The following ESR1 variants were observed in gnomAD, a reference collection of about 807,000 sequenced individuals.
ESR1 encodes the protein estrogen receptor 1.
In ESR1, 12 loss-of-function variants were observed where a neutral mutation model predicts 52.7. That is an observed-to-expected ratio of 0.23 (90% CI 0.15 to 0.37). ESR1 has a LOEUF of 0.37. Among genes scored for constraint, ESR1 ranks in the 10% least tolerant of loss-of-function variants. The pLI is 1.00. For missense variants in ESR1, 584 were observed against 779.7 expected, an observed-to-expected ratio of 0.75 and a Z score of 2.99; for synonymous variants, 305 against 316.8, an observed-to-expected ratio of 0.96 and a Z score of 0.39.
chr6:152,112,407 C>T (rs962212717), intron 6 of ESR1, among the ~76,000 whole-genome samples: 8 of 152,272 alleles, frequency 5.3e-5, no homozygotes, highest in African/African-American at 1.9e-4. Flanking sequence ...TCCTCCTTTC[C>T]CCAGCAACTC....
rs1357451866 is a variant in ESR1 at position 152,061,211 on chromosome 6, CATA to C, written c.1369+90_1369+92del. On this transcript the variant is annotated intron_variant, in intron 6 of 7. Coordinates refer to ENST00000206249, the MANE Select transcript of ESR1 (RefSeq NM_000125.4). This position sits in a 1 kb window ranked among gnomAD's most constrained non-coding sequence, Gnocchi z 4.3. ...AGATACGATCTACCCACTCCAAAGGCATAATGTCATAAATAGAAAGAAACTACT... is the reference window on the plus strand; with the variant it reads ...AGATACGATCTACCCACTCCAAAGGCATGTCATAAATAGAAAGAAACTACT... 4 of 1,256,300 alleles carry C rather than the reference CATA, an allele frequency of 3.2e-6. No individual in the cohort carries two copies. Among genetic ancestry groups the C allele is most frequent in the Non-Finnish European group, 4.6e-6 (4 of 860,786 alleles). 77.8% of individuals were successfully genotyped at this position (1,256,300 alleles called of 1,614,324 possible).
intron 2 of ESR1, among the ~76,000 whole-genome samples, chr6:151,844,353 G>T (rs891499625): frequency 3.3e-5 from 5 of 152,044 alleles, no homozygotes; most frequent in Non-Finnish European, 7.4e-5. Context: ...TTTTTACCAA[G>T]CATTTAATTT....
At chr6:151,669,147 G>GGAGAGAGA (rs541895194) in intron 1 of ESR1, among the ~76,000 whole-genome samples, 906 of 69,274 alleles carry the variant, frequency 0.013, 113 homozygotes, top group African/African-American at 0.028. Context: ...TTGGGAGCTG[G>GGAGAGAGA]GAGAGAGAGA....
intron 4 of ESR1, among the ~76,000 whole-genome samples, chr6:151,970,976 C>T (rs1031082536): frequency 6.6e-6 from 1 of 152,264 alleles, no homozygotes; most frequent in African/African-American, 2.4e-5. Context: ...ATATTTCACC[C>T]ATACCAGAGT....
At chr6:152,079,078 A>G (rs2048980695) in intron 6 of ESR1, among the ~76,000 whole-genome samples, 1 of 152,368 alleles carries the variant, frequency 6.6e-6, no homozygotes, top group Admixed American at 6.5e-5. Flanking sequence ...AAGGCAGCAG[A>G]CAGCTTCCGC....
chr6:151,677,919 C>T (rs1472031794), intron 1 of ESR1, among the ~76,000 whole-genome samples: 1 of 152,122 alleles, frequency 6.6e-6, no homozygotes, highest in Non-Finnish European at 1.5e-5. Context: ...TGAAAACTCA[C>T]ACATTCTCTT....
Position 152,122,425 on chromosome 6 carries a change from A to T in ESR1, c.851-2841A>T, listed in dbSNP as rs763552238. On this transcript the variant is annotated intron_variant, in intron 6 of 6. Coordinates refer to the ESR1 transcript ENST00000427531. ...TGCTACCAGCACTTCTGCAGATGGC[A>T]TCTGCTTAGTTCAGAGTGGAGGAGG... 17 of 1,613,982 alleles carry T rather than the reference A, an allele frequency of 1.1e-5. No individual in the cohort carries two copies. The South Asian group carries it at 1.8e-4, about 17-fold the overall frequency.
Position 152,094,636 on chromosome 6 carries a change from C to T in ESR1, c.1553+68C>T, listed in dbSNP as rs1386910953. ...ACATGCCCCCAAACCTATGTGACAG[C>T]TGGCCGGGAAGGACTGGTGCCTGCA... On this transcript the variant is annotated intron_variant, in intron 7 of 7. Transcript: ENST00000206249. The surrounding 1 kb of genome is among the most constrained non-coding windows in gnomAD (Gnocchi z 4.6). The T allele has an allele frequency of 3.4e-6, 5 of 1,486,124 alleles. No individual in the cohort carries two copies. The highest frequency in any genetic ancestry group is 4.6e-6 in the Non-Finnish European group (5 of 1,082,098). 92.1% of individuals were successfully genotyped at this position (1,486,124 alleles called of 1,614,324 possible). A position where few individuals can be genotyped will look rare whatever the true frequency, so the allele number is the denominator to read the frequency against.
intron 4 of ESR1, among the ~76,000 whole-genome samples, chr6:151,998,537 T>A (rs1473478207): frequency 1.3e-5 from 2 of 152,052 alleles, no homozygotes; most frequent in Non-Finnish European, 2.9e-5. Context: ...CAGGAAGTCA[T>A]GCACTGGAGG....
chr6:152,105,656 C>T (rs1328003284), downstream of ESR1, among the ~76,000 whole-genome samples: 1 of 151,966 alleles, frequency 6.6e-6, no homozygotes, highest in Non-Finnish European at 1.5e-5. Context: ...GAACTCCTGA[C>T]CTCAAGTGAT....
intron 1 of ESR1, among the ~76,000 whole-genome samples, chr6:151,680,482 G>A (rs1778417298): frequency 6.6e-6 from 1 of 152,122 alleles, no homozygotes; most frequent in South Asian, 2.1e-4. Context: ...GGGGGGTCGT[G>A]AGCCACCATG....
intron 4 of ESR1, among the ~76,000 whole-genome samples, chr6:151,996,852 C>T (rs566513989): frequency 1.7e-4 from 26 of 152,148 alleles, no homozygotes; most frequent in Middle Eastern, 3.4e-3. Flanking sequence ...ATAAGTGCCA[C>T]GCTTGGAGTA....
intron 2 of ESR1, among the ~76,000 whole-genome samples, chr6:151,855,669 T>A (rs1412295108): frequency 6.6e-6 from 1 of 152,172 alleles, no homozygotes; most frequent in Non-Finnish European, 1.5e-5. Context: ...GGTGAAAGGT[T>A]GTGATAATGC....
At chr6:151,967,264 A>C (rs1303433262) in intron 4 of ESR1, among the ~76,000 whole-genome samples, 1 of 152,128 alleles carries the variant, frequency 6.6e-6, no homozygotes, top group East Asian at 1.9e-4. Context: ...TATACGTGCC[A>C]TGGTGGTTTG....
chr6:151,945,734 A>T (rs2035625220), intron 4 of ESR1, among the ~76,000 whole-genome samples: 1 of 152,220 alleles, frequency 6.6e-6, no homozygotes, highest in Non-Finnish European at 1.5e-5. Flanking sequence ...AAACTAAAAA[A>T]ATGTGGAGTT....
At chr6:152,087,672 A>C (rs1585192011) in intron 6 of ESR1, among the ~76,000 whole-genome samples, 1 of 152,334 alleles carries the variant, frequency 6.6e-6, no homozygotes, top group South Asian at 2.1e-4. Flanking sequence ...TTGGAGGAGC[A>C]AAGATATCCA....
chr6:152,106,665 T>A (rs984110347), downstream of ESR1, among the ~76,000 whole-genome samples: 1 of 152,238 alleles, frequency 6.6e-6, no homozygotes, highest in East Asian at 1.9e-4. Flanking sequence ...CTCAGCTCAC[T>A]GTAGCCTCCA....
chr6:152,063,197 T>G (rs985487717), intron 6 of ESR1, among the ~76,000 whole-genome samples: 3 of 152,190 alleles, frequency 2.0e-5, no homozygotes, highest in Non-Finnish European at 4.4e-5. Context: ...GGATCTTCTG[T>G]GCACTTCTTT....
intron 3 of ESR1, among the ~76,000 whole-genome samples, chr6:151,919,880 A>G (rs1277626851): frequency 6.6e-6 from 1 of 152,198 alleles, no homozygotes; most frequent in African/African-American, 2.4e-5. Flanking sequence ...CTAGAAACAC[A>G]CACACACAGG....
Sources: allele counts gnomAD v4.1 joint callset (sites outside exome capture counted in the v4.1 genomes callset), GRCh38; gene constraint gnomAD v4.1.1; non-coding constraint Gnocchi (gnomAD v3.1); transcripts MANE v1.5; gene names NCBI Gene and HGNC (gene_info 2026-07-23, HGNC 2026-07-21).